Variants in ELAVL2 observed in about 807,000 individuals in gnomAD.
ELAVL2 encodes ELAV-like protein 2.
A neutral mutation model predicts 34.6 loss-of-function variants in ELAVL2; 4 were observed. That is an observed-to-expected ratio of 0.12 (90% CI 0.06 to 0.26). The LOEUF is 0.26. Ranked by LOEUF, ELAVL2 falls within the 10% of genes least tolerant of loss-of-function variation. The probability of loss-of-function intolerance (pLI) is 1.00; values close to 1 mark genes in which losing one functional copy is unlikely to be tolerated. For missense variants in ELAVL2, 432 were observed against 442.8 expected, an observed-to-expected ratio of 0.98 and a Z score of 0.22; for synonymous variants, 193 against 154.8, an observed-to-expected ratio of 1.25 and a Z score of -1.83.
intron 4 of ELAVL2, 95 bp from the exon 5 acceptor site, chr9:23,701,699 C>T: frequency 2.3e-6 from 3 of 1,300,872 alleles, no homozygotes; most frequent in Non-Finnish European, 3.2e-6. Context: ...TTCTCAAGAA[C>T]ATGTTTTCAC....
chr9:23,791,529 T>C (rs2137233423), intron 1 of ELAVL2, among the ~76,000 whole-genome samples: 1 of 152,300 alleles, frequency 6.6e-6, no homozygotes, highest in East Asian at 1.9e-4. Flanking sequence ...AACCACTCTG[T>C]TTTTCACTCT....
chr9:23,787,500 G>A (rs2059836099), intron 1 of ELAVL2, among the ~76,000 whole-genome samples: 1 of 151,808 alleles, frequency 6.6e-6, no homozygotes, highest in South Asian at 2.1e-4. Context: ...CTAAAGTGCT[G>A]GGATTACAGG....
chr9:23,847,301 A>T, the ELAVL2 span: 1 of 151,994 alleles, frequency 6.6e-6, no homozygotes, highest in Non-Finnish European at 1.5e-5. Flanking sequence ...TGGATATGGT[A>T]CAAAGGACAA....
intron 1 of ELAVL2, among the ~76,000 whole-genome samples, chr9:23,774,470 C>G (rs1489181407): frequency 6.6e-6 from 1 of 152,108 alleles, no homozygotes; most frequent in African/African-American, 2.4e-5. Flanking sequence ...CTACATTTAG[C>G]ACAGTCACAA....
chr9:23,786,721 A>G (rs2059720417), intron 1 of ELAVL2, among the ~76,000 whole-genome samples: 1 of 150,534 alleles, frequency 6.6e-6, no homozygotes, highest in Non-Finnish European at 1.5e-5. Flanking sequence ...CGAAGACATT[A>G]ATGTTCAAAA....
At chr9:23,743,937 G>A (rs986790101) in intron 2 of ELAVL2, among the ~76,000 whole-genome samples, 1 of 152,192 alleles carries the variant, frequency 6.6e-6, no homozygotes, top group Non-Finnish European at 1.5e-5. Context: ...GATGTGGGAA[G>A]TAACTTCTAT....
intron 1 of ELAVL2, among the ~76,000 whole-genome samples, chr9:23,800,608 A>G (rs2061463828): frequency 6.6e-6 from 1 of 152,198 alleles, no homozygotes; most frequent in Non-Finnish European, 1.5e-5. Context: ...ATTATCCCCA[A>G]CTTTGGAAAA....
intron 1 of ELAVL2, among the ~76,000 whole-genome samples, chr9:23,790,284 GGAAATGCCTGGTTGGAT>G (rs1199368806): frequency 1.3e-5 from 2 of 152,042 alleles, no homozygotes; most frequent in African/African-American, 4.8e-5. Context: ...AAAAATATAT[GGAAATGCCTGGTTGGAT>G]GAAAGGAGAG....
At chr9:23,837,628 C>A in the ELAVL2 span, among the ~76,000 whole-genome samples, 1 of 152,148 alleles carries the variant, frequency 6.6e-6, no homozygotes, top group Non-Finnish European at 1.5e-5. Context: ...GTTTCTAGAG[C>A]CCAAGTCCTT....
At chr9:23,699,360 T>G (rs1440611541) in intron 5 of ELAVL2, among the ~76,000 whole-genome samples, 1 of 152,206 alleles carries the variant, frequency 6.6e-6, no homozygotes, top group Non-Finnish European at 1.5e-5. Context: ...TCAATCTTGA[T>G]TCCAAGAACT....
chr9:23,701,692 T>C (rs1563948293), intron 4 of ELAVL2, 88 bp from the exon 5 acceptor site: 1 of 1,393,414 alleles, frequency 7.2e-7, no homozygotes, highest in Non-Finnish European at 9.9e-7. Flanking sequence ...TTTTTCCTTC[T>C]CAAGAACATG....
chr9:23,822,870 G>A (rs1235317929), intron 1 of ELAVL2, among the ~76,000 whole-genome samples: 5 of 150,856 alleles, frequency 3.3e-5, no homozygotes, highest in African/African-American at 4.8e-5. Context: ...CAGGTTTGAT[G>A]CAGCAAGGTC....
intron 1 of ELAVL2, among the ~76,000 whole-genome samples, chr9:23,822,736 T>C (rs73654376): frequency 0.035 from 5,314 of 152,320 alleles, 141 homozygotes; most frequent in East Asian, 0.11. Context: ...CCTAAAATAC[T>C]ACATTTAAAA....
rs890839222 is a variant in ELAVL2 at position 23,780,025 on chromosome 9, A to C, written c.-15-17776T>G. 1.9e-4 allele frequency among the ~76,000 whole-genome samples: 21 copies of C among 108,066 alleles called. 1 individual carries two copies. Among genetic ancestry groups the C allele is most frequent in the African/African-American group, 6.6e-4 (18 of 27,106 alleles). 70.9% of individuals were successfully genotyped at this position (108,066 alleles called of 152,430 possible). A position where few individuals can be genotyped will look rare whatever the true frequency, so the allele number is the denominator to read the frequency against. On this transcript the variant is annotated intron_variant, in intron 1 of 6. Coordinates refer to ENST00000397312, the MANE Select transcript of ELAVL2 (RefSeq NM_004432.5). ...AAAAAAAAAAAAAAAAAAAAAAAAA[A>C]AAAAAAAAACTTCATGAACTTCCAA... is the stretch of plus-strand genomic sequence containing the variant.
At chr9:23,699,855 TA>T (rs2036586618) in intron 5 of ELAVL2, among the ~76,000 whole-genome samples, 1 of 125,398 alleles carries the variant, frequency 8.0e-6, no homozygotes, top group African/African-American at 3.0e-5. Flanking sequence ...TTTTTTTTAA[TA>T]CCAATGCCTT....
chr9:23,784,998 C>T (rs1028606125), intron 1 of ELAVL2, among the ~76,000 whole-genome samples: 1 of 152,160 alleles, frequency 6.6e-6, no homozygotes, highest in Non-Finnish European at 1.5e-5. Flanking sequence ...TGTGAAGTTA[C>T]GTGCATCCTA....
At chr9:23,743,643 A>C (rs556925971) in intron 2 of ELAVL2, among the ~76,000 whole-genome samples, 1 of 152,192 alleles carries the variant, frequency 6.6e-6, no homozygotes, top group South Asian at 2.1e-4. Context: ...TTCTGGATAC[A>C]TCTTTCCTAT....
At chr9:23,698,238 G>T (rs1326562858) in intron 5 of ELAVL2, among the ~76,000 whole-genome samples, 1 of 152,074 alleles carries the variant, frequency 6.6e-6, no homozygotes, top group East Asian at 1.9e-4. Context: ...CATGTCCCAA[G>T]AATATACTTA....
chr9:23,708,066 C>A (rs1272641011), intron 3 of ELAVL2, among the ~76,000 whole-genome samples: 1 of 151,870 alleles, frequency 6.6e-6, no homozygotes, highest in East Asian at 1.9e-4. Context: ...TCCCCAATGT[C>A]CACTCTTCAG....
Sources: gnomAD v4.1 joint callset for allele counts (sites outside exome capture counted in the v4.1 genomes callset) on GRCh38, gnomAD v4.1.1 for gene constraint, MANE v1.5 for transcripts, NCBI Gene and HGNC (gene_info 2026-07-23, HGNC 2026-07-21) for gene names.